PALLD: variants seen among roughly 807,000 people sequenced by gnomAD.
PALLD encodes palladin, cytoskeletal associated protein.
Under a neutral mutation model 123.5 loss-of-function variants are expected in PALLD, and 61 were observed. That is an observed-to-expected ratio of 0.49 (90% CI 0.40 to 0.61). The LOEUF is 0.61. Ranked by LOEUF, PALLD falls within the 20% of genes least tolerant of loss-of-function variation. PALLD has a pLI of 0.00. For missense variants in PALLD, 1,273 were observed against 1,377.0 expected (o/e 0.92, Z 1.20); for synonymous variants, 465 against 496.4 (o/e 0.94, Z 0.84).
chr4:168,823,975 A>T (rs1281058554), intron 10 of PALLD, among the ~76,000 whole-genome samples: 1 of 152,242 alleles, frequency 6.6e-6, no homozygotes, highest in Admixed American at 6.5e-5. Context: ...ATGACACCAA[A>T]GTTATGTCAA....
At chr4:168,786,321 C>T (rs924019676) in intron 10 of PALLD, among the ~76,000 whole-genome samples, 5 of 151,586 alleles carry the variant, frequency 3.3e-5, no homozygotes, top group East Asian at 2.0e-4. Flanking sequence ...AGTGAGACTC[C>T]GTCTCAAAGA....
chr4:168,759,237 A>G (rs1308834959), intron 10 of PALLD, among the ~76,000 whole-genome samples: 1 of 118,174 alleles, frequency 8.5e-6, no homozygotes, highest in Admixed American at 9.7e-5. Context: ...ATATATATAT[A>G]TATATATAGA....
At chr4:168,748,692 A>G (rs1581257281) in intron 10 of PALLD, among the ~76,000 whole-genome samples, 1 of 152,122 alleles carries the variant, frequency 6.6e-6, no homozygotes, top group Non-Finnish European at 1.5e-5. Flanking sequence ...TGGGCTTCCA[A>G]GCTCCTTTAG....
intron 3 of PALLD, among the ~76,000 whole-genome samples, chr4:168,668,914 T>G (rs1337024177): frequency 6.6e-6 from 1 of 152,228 alleles, no homozygotes; most frequent in African/African-American, 2.4e-5. Flanking sequence ...GGGCTATTTC[T>G]GTTGTTCTGT....
At chr4:168,785,852 T>G (rs1465235024) in intron 10 of PALLD, among the ~76,000 whole-genome samples, 45 of 121,612 alleles carry the variant, frequency 3.7e-4, no homozygotes, top group African/African-American at 1.3e-3. Context: ...TAGAGATATA[T>G]ATATATATAT....
At chr4:168,575,224 C>T (rs979957096) in intron 2 of PALLD, among the ~76,000 whole-genome samples, 1 of 152,114 alleles carries the variant, frequency 6.6e-6, no homozygotes, top group Non-Finnish European at 1.5e-5. Flanking sequence ...TCCGTTTTCA[C>T]ACTGCTATAA....
chr4:168,625,791 T>C (rs894695096), intron 2 of PALLD, among the ~76,000 whole-genome samples: 1 of 151,880 alleles, frequency 6.6e-6, no homozygotes, highest in Non-Finnish European at 1.5e-5. Flanking sequence ...TGTGGAGAAA[T>C]TGGAACTCAT....
At chr4:168,598,523 G>C (rs1390262850) in intron 2 of PALLD, 2 of 414,382 alleles carry the variant, frequency 4.8e-6, no homozygotes, top group Admixed American at 6.2e-5. Context: ...TAATTGCAAA[G>C]ATGTTAACAG....
intron 10 of PALLD, among the ~76,000 whole-genome samples, chr4:168,866,322 TA>T (rs1350363258): frequency 2.6e-5 from 4 of 152,172 alleles, no homozygotes; most frequent in Non-Finnish European, 4.4e-5. Flanking sequence ...CAAATCCAAT[TA>T]TTTTGGAAAT....
chr4:168,530,975 G>C (rs961567218), intron 2 of PALLD, among the ~76,000 whole-genome samples: 12 of 152,280 alleles, frequency 7.9e-5, no homozygotes, highest in African/African-American at 2.9e-4. Flanking sequence ...CTGATACCTA[G>C]ATATTCCCAA....
intron 10 of PALLD, among the ~76,000 whole-genome samples, chr4:168,767,282 C>A (rs994096084): frequency 3.9e-5 from 6 of 152,182 alleles, no homozygotes; most frequent in Non-Finnish European, 8.8e-5. Flanking sequence ...TTGGGTACAG[C>A]CACCAGGCCC....
At chr4:168,744,479 G>C (rs1194753985) in intron 10 of PALLD, among the ~76,000 whole-genome samples, 1 of 126,374 alleles carries the variant, frequency 7.9e-6, no homozygotes, top group Admixed American at 7.9e-5. Context: ...GCCAAGACAA[G>C]GTGTCTGGAA....
intron 6 of PALLD, among the ~76,000 whole-genome samples, chr4:168,687,630 C>T (rs138956512): frequency 5.6e-4 from 85 of 152,262 alleles, no homozygotes; most frequent in African/African-American, 1.9e-3. Context: ...CTTTCACTAC[C>T]GGGCTTTCCT....
chr4:168,626,295 G>A (rs914317275), intron 2 of PALLD, among the ~76,000 whole-genome samples: 6 of 151,888 alleles, frequency 4.0e-5, no homozygotes, highest in Middle Eastern at 3.4e-3. Flanking sequence ...CCAGCTACTC[G>A]GGAGGCTGAG....
At chr4:168,696,909 A>AT (rs746607136) in intron 8 of PALLD, among the ~76,000 whole-genome samples, 121 of 152,164 alleles carry the variant, frequency 8.0e-4, no homozygotes, top group Non-Finnish European at 1.5e-4. Context: ...CAATGAAATA[A>AT]TTTTTTTAAA....
At chr4:168,800,035 A>G (rs1428429885) in intron 10 of PALLD, among the ~76,000 whole-genome samples, 1 of 152,224 alleles carries the variant, frequency 6.6e-6, no homozygotes, top group East Asian at 1.9e-4. Flanking sequence ...AAAAAGGTAC[A>G]TGAAGATCTA....
intron 1 of PALLD, among the ~76,000 whole-genome samples, chr4:168,497,712 C>G (rs1027971558): frequency 2.0e-5 from 3 of 152,144 alleles, no homozygotes; most frequent in African/African-American, 7.2e-5. Flanking sequence ...GGGATAGTAA[C>G]AGCAGGTATT....
chr4:168,878,698 T>TA (rs1445123404), intron 10 of PALLD, among the ~76,000 whole-genome samples: 1 of 148,458 alleles, frequency 6.7e-6, no homozygotes, highest in Non-Finnish European at 1.5e-5. Context: ...GGGGGGTGCT[T>TA]AGCTATCATT....
rs576019740 is a variant in PALLD at position 168,777,339 on chromosome 4, A to C, written c.1964+65416A>C. 2.0e-5 allele frequency among the ~76,000 whole-genome samples: 3 copies of C among 152,284 alleles called. No homozygotes were observed. In the South Asian group the frequency reaches 6.2e-4, roughly 32 times the overall value. On this transcript the variant is annotated intron_variant, in intron 10 of 21. Transcript: ENST00000505667. ...AATGCTGTTAATACTGCTTTATCCCATCATTGCTCCATTGTCCAGTCTTGA... is the reference window on the plus strand; with the variant it reads ...AATGCTGTTAATACTGCTTTATCCCCTCATTGCTCCATTGTCCAGTCTTGA...
Sources: allele counts gnomAD v4.1 joint callset (sites outside exome capture counted in the v4.1 genomes callset), GRCh38; gene constraint gnomAD v4.1.1; transcripts MANE v1.5; gene names NCBI Gene and HGNC (gene_info 2026-07-23, HGNC 2026-07-21).